Variants in RYR3 observed in about 807,000 individuals in gnomAD.
RYR3 encodes the protein brain ryanodine receptor-calcium release channel.
Under a neutral mutation model 584.3 loss-of-function variants are expected in RYR3, and 207 were observed. The ratio of observed to expected loss-of-function variants is 0.35; its 90% CI spans 0.32 to 0.40. RYR3 has a LOEUF of 0.40. Ranked by LOEUF, RYR3 falls within the 10% of genes least tolerant of loss-of-function variation. The pLI is 1.00. For missense variants in RYR3, 5,616 were observed against 6,089.2 expected (o/e 0.92, Z 2.59); for synonymous variants, 2,416 against 2,248.5 (o/e 1.07, Z -2.11).
intron 10 of RYR3, among the ~76,000 whole-genome samples, chr15:33,560,113 A>G (rs2057321309): frequency 6.6e-6 from 1 of 152,240 alleles, no homozygotes; most frequent in African/African-American, 2.4e-5. Flanking sequence ...TATTCAAGTA[A>G]AAACAGAAGG....
chr15:33,845,663 T>C (rs556397789), intron 93 of RYR3, among the ~76,000 whole-genome samples: 22 of 152,312 alleles, frequency 1.4e-4, no homozygotes, highest in African/African-American at 5.3e-4. Flanking sequence ...AGGTACCTCT[T>C]GTTGAATTTC....
chr15:33,797,487 G>A (rs2075691706), intron 67 of RYR3, among the ~76,000 whole-genome samples: 1 of 152,118 alleles, frequency 6.6e-6, no homozygotes, highest in Non-Finnish European at 1.5e-5. Context: ...TGACTTGTGT[G>A]CCTAGGGGAA....
At chr15:33,582,085 G>C (rs1319741926) in intron 14 of RYR3, among the ~76,000 whole-genome samples, 1 of 152,032 alleles carries the variant, frequency 6.6e-6, no homozygotes, top group Non-Finnish European at 1.5e-5. Context: ...ATTTCATTTT[G>C]GTGAAAAGAA....
intron 1 of RYR3, among the ~76,000 whole-genome samples, chr15:33,319,296 G>T (rs183511001): frequency 7.5e-6 from 1 of 133,142 alleles, no homozygotes; most frequent in African/African-American, 3.0e-5. Context: ...GAGAGATCCC[G>T]TTGGCTACCA....
intron 38 of RYR3, among the ~76,000 whole-genome samples, chr15:33,675,053 C>T (rs1392340692): frequency 6.6e-6 from 1 of 152,186 alleles, no homozygotes; most frequent in Non-Finnish European, 1.5e-5. Context: ...CGAGATAGTG[C>T]CACTGCAGTC....
intron 99 of RYR3, chr15:33,858,837 C>T (rs891712400): frequency 1.3e-5 from 2 of 152,234 alleles, no homozygotes; most frequent in Non-Finnish European, 2.9e-5. Flanking sequence ...GTGAAATGCC[C>T]AGTCTGTGAG....
intron 9 of RYR3, among the ~76,000 whole-genome samples, 181 bp from the exon 10 acceptor site, chr15:33,549,978 TA>T (rs2056552039): frequency 6.6e-6 from 1 of 152,218 alleles, no homozygotes; most frequent in Non-Finnish European, 1.5e-5. Context: ...GAAAGAGCAC[TA>T]TGCTGGGTTG....
chr15:33,461,002 T>C (rs2142069034), intron 1 of RYR3, among the ~76,000 whole-genome samples: 1 of 136,612 alleles, frequency 7.3e-6, no homozygotes, highest in East Asian at 2.4e-4. Context: ...TGGAGTGCAG[T>C]GGCGTGATCT....
chr15:33,660,887 C>G (rs906704687), intron 34 of RYR3, among the ~76,000 whole-genome samples: 1 of 151,022 alleles, frequency 6.6e-6, no homozygotes, highest in Non-Finnish European at 1.5e-5. Flanking sequence ...GAACATTGCT[C>G]TTTTCATCTA....
At chr15:33,385,423 T>C (rs1440571837) in intron 1 of RYR3, among the ~76,000 whole-genome samples, 1 of 152,228 alleles carries the variant, frequency 6.6e-6, no homozygotes, top group East Asian at 1.9e-4. Context: ...AGCTGAGTAA[T>C]GGGCATTATG....
At chr15:33,553,594 TAAGGAGC>T (rs143054336) in intron 10 of RYR3, among the ~76,000 whole-genome samples, 131,226 of 151,616 alleles carry the variant, frequency 0.87, 57,399 homozygotes, top group Middle Eastern at 0.98. Flanking sequence ...TCACATAGAA[TAAGGAGC>T]AAGGAGCAGG....
At chr15:33,835,600 T>A (rs1017345391) in intron 87 of RYR3, among the ~76,000 whole-genome samples, 4 of 152,180 alleles carry the variant, frequency 2.6e-5, no homozygotes, top group African/African-American at 9.7e-5. Context: ...GTTTATTGCC[T>A]CTCTCCATGG....
chr15:33,669,861 T>TGG (rs1566919889), intron 37 of RYR3, among the ~76,000 whole-genome samples: 41 of 31,812 alleles, frequency 1.3e-3, no homozygotes, highest in Admixed American at 3.1e-3. Flanking sequence ...GGGGGGGGTG[T>TGG]GGGTGTGTGG....
intron 3 of RYR3, among the ~76,000 whole-genome samples, chr15:33,521,592 A>G (rs1229171636): frequency 6.6e-6 from 1 of 151,932 alleles, no homozygotes; most frequent in Admixed American, 6.6e-5. Flanking sequence ...TATTTAAAAA[A>G]TCAAAGGAGT....
chr15:33,688,145 A>C (rs2065148938), intron 38 of RYR3, among the ~76,000 whole-genome samples: 1 of 152,200 alleles, frequency 6.6e-6, no homozygotes, highest in African/African-American at 2.4e-5. Flanking sequence ...AATGGGAGAA[A>C]AATTTTGCAA....
intron 10 of RYR3, among the ~76,000 whole-genome samples, chr15:33,560,006 A>G (rs951910365): frequency 4.6e-5 from 7 of 152,200 alleles, no homozygotes; most frequent in Admixed American, 6.5e-5. Context: ...ATTGTATTCC[A>G]TAGGAACTTG....
rs374454300 is a variant in RYR3 at position 33,769,396 on chromosome 15, T to A, written c.8816+224T>A. 6.6e-5 allele frequency among the ~76,000 whole-genome samples: 10 copies of A among 152,340 alleles called. No homozygotes were observed. The East Asian group carries it at 1.9e-3, about 29-fold the overall frequency. ...AATGCAAAGGCCTGATCAATTCTTA[T>A]CTTTCCTTCCTAAGAAGTTTGTCTT... On this transcript the variant is annotated intron_variant, in intron 62 of 103. Coordinates refer to ENST00000634891, the MANE Select transcript of RYR3 (RefSeq NM_001036.6).
At chr15:33,813,403 G>T in intron 73 of RYR3, 64 bp from the exon 74 acceptor site, 4 of 1,411,472 alleles carry the variant, frequency 2.8e-6, no homozygotes, top group Non-Finnish European at 4.0e-6. Flanking sequence ...TGGGCTACAG[G>T]TGACTAGCTT....
chr15:33,450,446 C>G (rs2047027390), intron 1 of RYR3, among the ~76,000 whole-genome samples: 1 of 152,100 alleles, frequency 6.6e-6, no homozygotes, highest in Non-Finnish European at 1.5e-5. Context: ...GCCGCCCGCC[C>G]TCATCTCAAG....
Sources: gnomAD v4.1 joint callset for allele counts (sites outside exome capture counted in the v4.1 genomes callset) on GRCh38, gnomAD v4.1.1 for gene constraint, MANE v1.5 for transcripts, NCBI Gene and HGNC (gene_info 2026-07-23, HGNC 2026-07-21) for gene names.